SRGAP3: variants seen among roughly 807,000 people sequenced by gnomAD.
The protein encoded by SRGAP3 is SLIT-ROBO Rho GTPase activating protein 3, also known as SLIT-ROBO Rho GTPase-activating protein 3.
A neutral mutation model predicts 121.1 loss-of-function variants in SRGAP3; 39 were observed. The ratio of observed to expected loss-of-function variants is 0.32; its 90% CI spans 0.25 to 0.42. The LOEUF is 0.42. SRGAP3 is among the 10% of genes least tolerant of loss of function. The probability of loss-of-function intolerance (pLI) is 1.00; values close to 1 mark genes in which losing one functional copy is unlikely to be tolerated. For missense variants in SRGAP3, 1,213 were observed against 1,470.6 expected (o/e 0.82, Z 2.86); for synonymous variants, 601 against 570.0 (o/e 1.05, Z -0.77).
At position 9,010,693 on chromosome 3, in the gene SRGAP3, T is replaced by C. The variant is rs979486306; in HGVS notation, c.2148-306A>G. On this transcript the variant is annotated intron_variant, in intron 17 of 21. Coordinates refer to ENST00000383836, the MANE Select transcript of SRGAP3 (RefSeq NM_014850.4). The stretch of plus-strand genomic sequence containing the variant: ...GTGTTCTGTAAGATCCAGAGGGCAG[T>C]GGTAAAACCCCAGCATTTATAATCA... Among the ~76,000 whole-genome samples, 3 of 152,292 alleles carry C rather than the reference T, an allele frequency of 2.0e-5. 1 individual carries two copies. In the South Asian group the frequency reaches 6.2e-4, roughly 32 times the overall value.
chr3:8,983,176 C>T lies in SRGAP3; in HGVS notation c.*2343G>A, dbSNP rs1460449757. On this transcript the variant is annotated 3_prime_UTR_variant, in exon 22 of 22. Coordinates refer to ENST00000383836, the MANE Select transcript of SRGAP3 (RefSeq NM_014850.4). ...CAAACACATGACTTTAAGAGCCTGACGCAGCCTCTGCTCCTAGCCAGTGTC... is the reference window on the plus strand; with the variant it reads ...CAAACACATGACTTTAAGAGCCTGATGCAGCCTCTGCTCCTAGCCAGTGTC... 5 of 226,870 alleles carry T rather than the reference C, an allele frequency of 2.2e-5. No homozygotes were observed. Among genetic ancestry groups the T allele is most frequent in the South Asian group, 1.8e-4 (1 of 5,468 alleles). The allele number at this position is 226,870 out of a possible 1,614,324, so 14.1% of individuals were successfully genotyped here.
chr3:9,319,451 C>T (rs1002909450), intron 3 of SRGAP3, among the ~76,000 whole-genome samples: 1 of 151,828 alleles, frequency 6.6e-6, no homozygotes, highest in African/African-American at 2.4e-5. Context: ...GACAACTGCA[C>T]AGCAGATGAC....
At chr3:9,202,062 TG>T (rs1202640753) in intron 1 of SRGAP3, among the ~76,000 whole-genome samples, 1 of 138,438 alleles carries the variant, frequency 7.2e-6, no homozygotes, top group South Asian at 2.5e-4. Flanking sequence ...GTTTGGAGGA[TG>T]GGGGGAAGGG....
chr3:9,110,487 A>G lies in SRGAP3; in HGVS notation c.261-5645T>C, dbSNP rs560453369. ...TGTGGCCACATGGCAGAAGAGGTCA[A>G]TCCCCGGGAAGCATGGCAAGGCTGT... On this transcript the variant is annotated intron_variant, in intron 2 of 21. Transcript: ENST00000383836. Among the ~76,000 whole-genome samples, 36 of 152,380 alleles carry G rather than the reference A, an allele frequency of 2.4e-4. No homozygotes were observed. In the South Asian group the frequency reaches 3.7e-3, roughly 16 times the overall value.
chr3:9,176,642 G>C lies in SRGAP3; in HGVS notation c.68-51725C>G, dbSNP rs562611416. On this transcript the variant is annotated intron_variant, in intron 1 of 21. Coordinates refer to ENST00000383836, the MANE Select transcript of SRGAP3 (RefSeq NM_014850.4). ...AGGAAGCATGGTGGCACCTGCTTCT[G>C]GGGAGGCCTCAGGAGGCTTCCAATC... Among the ~76,000 whole-genome samples the C allele has an allele frequency of 7.9e-5, 12 of 152,304 alleles. No homozygotes were observed. The South Asian group carries it at 2.5e-3, about 32-fold the overall frequency.
At chr3:9,208,529 A>T (rs149082379) in intron 1 of SRGAP3, among the ~76,000 whole-genome samples, 34 of 152,350 alleles carry the variant, frequency 2.2e-4, no homozygotes, top group African/African-American at 7.9e-4. Flanking sequence ...GTCTCTCATT[A>T]CAAGAAAAGA....
chr3:9,303,404 G>A (rs1303313778), intron 3 of SRGAP3, among the ~76,000 whole-genome samples: 4 of 147,062 alleles, frequency 2.7e-5, no homozygotes, highest in East Asian at 2.0e-4. Flanking sequence ...CAGCCTGGGC[G>A]ACAGAGTGAG....
intron 1 of SRGAP3, among the ~76,000 whole-genome samples, chr3:9,335,853 T>C (rs60000478): frequency 6.2e-4 from 94 of 152,296 alleles, no homozygotes; most frequent in African/African-American, 2.2e-3. Context: ...TTAGGATTTT[T>C]CTTCGTTTTC....
intron 10 of SRGAP3, among the ~76,000 whole-genome samples, chr3:9,046,756 G>GCC (rs1187416076): frequency 6.6e-6 from 1 of 152,132 alleles, no homozygotes; most frequent in African/African-American, 2.4e-5. Flanking sequence ...CCTGATGGAT[G>GCC]CCCCTCTATC....
chr3:9,233,838 G>A (rs1953310403), intron 1 of SRGAP3, among the ~76,000 whole-genome samples: 1 of 152,162 alleles, frequency 6.6e-6, no homozygotes, highest in Non-Finnish European at 1.5e-5. Flanking sequence ...CTTCCCCACA[G>A]AATTATAAAG....
At chr3:9,122,577 C>T (rs1053580624) in intron 2 of SRGAP3, among the ~76,000 whole-genome samples, 9 of 151,920 alleles carry the variant, frequency 5.9e-5, no homozygotes, top group Non-Finnish European at 8.8e-5. Context: ...GGCATCGTGG[C>T]GGGCACCTGT....
rs759803626 is a variant in SRGAP3, at chr3:9,060,190, G to T, written c.801+41C>A. On this transcript the variant is annotated intron_variant, in intron 6 of 21. Transcript: ENST00000383836. The stretch of plus-strand genomic sequence containing the variant: ...CAGCCAGTGACATGTGCCAGCCCTG[G>T]TGTGGGCCCTGCTCAGTCCCAGACT... 1.9e-6 allele frequency: 3 copies of T among 1,613,406 alleles called. No individual in the cohort carries two copies. The South Asian group carries it at 3.3e-5, about 18-fold the overall frequency.
chr3:9,284,246 T>C (rs986833221), intron 3 of SRGAP3, among the ~76,000 whole-genome samples: 3 of 152,184 alleles, frequency 2.0e-5, no homozygotes, highest in Non-Finnish European at 4.4e-5. Flanking sequence ...GTGTATTTCT[T>C]ATCTCATGAC....
At chr3:9,018,091 G>C (rs1015979747) in intron 14 of SRGAP3, among the ~76,000 whole-genome samples, 2 of 152,186 alleles carry the variant, frequency 1.3e-5, no homozygotes, top group Non-Finnish European at 2.9e-5. Flanking sequence ...ACACAGGAGT[G>C]AGAACATTCA....
At chr3:9,240,897 C>A (rs1266309864) in intron 1 of SRGAP3, among the ~76,000 whole-genome samples, 1 of 152,268 alleles carries the variant, frequency 6.6e-6, no homozygotes, top group Non-Finnish European at 1.5e-5. Flanking sequence ...ATCTGACACA[C>A]CGCGGTGGCA....
intron 4 of SRGAP3, 25 bp downstream of exon 4, chr3:9,080,000 A>G (rs763656517): frequency 1.2e-6 from 2 of 1,613,860 alleles, no homozygotes; most frequent in South Asian, 1.1e-5. Flanking sequence ...ATCCCAAAAC[A>G]GCAGTGAGCC....
chr3:9,161,501 G>A (rs1390441632), intron 1 of SRGAP3, among the ~76,000 whole-genome samples: 4 of 152,218 alleles, frequency 2.6e-5, no homozygotes, highest in Admixed American at 2.0e-4. Flanking sequence ...CCAAGGTCAC[G>A]TGGGCTGGAA....
intron 1 of SRGAP3, among the ~76,000 whole-genome samples, chr3:9,228,274 G>A (rs1466455363): frequency 2.0e-5 from 3 of 152,150 alleles, no homozygotes. Context: ...ATTGGTTACT[G>A]CATGAGAACA....
intron 1 of SRGAP3, among the ~76,000 whole-genome samples, chr3:9,341,427 C>T (rs1438623037): frequency 6.6e-6 from 1 of 152,186 alleles, no homozygotes; most frequent in Non-Finnish European, 1.5e-5. Context: ...AAGAGCTCAG[C>T]TATAGGAGCC....
Sources: allele counts gnomAD v4.1 joint callset (sites outside exome capture counted in the v4.1 genomes callset), GRCh38; gene constraint gnomAD v4.1.1; transcripts MANE v1.5; gene names NCBI Gene and HGNC (gene_info 2026-07-23, HGNC 2026-07-21).